PARP11: variants seen among roughly 807,000 people sequenced by gnomAD.
The protein encoded by PARP11 is poly(ADP-ribose) polymerase family member 11.
A neutral mutation model predicts 42.9 loss-of-function variants in PARP11; 31 were observed. That is an observed-to-expected ratio of 0.72 (90% CI 0.54 to 0.98). The LOEUF is 0.98. Among genes scored for constraint, PARP11 ranks in the 50% least tolerant of loss-of-function variants. The probability of loss-of-function intolerance (pLI) is 0.00; values close to 1 mark genes in which losing one functional copy is unlikely to be tolerated. For missense variants in PARP11, 365 were observed against 413.1 expected (o/e 0.88, Z 1.01); for synonymous variants, 137 against 127.3 (o/e 1.08, Z -0.51).
At position 3,812,027 on chromosome 12, in the gene PARP11, T is replaced by A; in HGVS notation, c.*96A>T. 1 of 889,922 alleles carries A rather than the reference T, an allele frequency of 1.1e-6. No homozygotes were observed. The highest frequency in any genetic ancestry group is 1.7e-6 in the Non-Finnish European group (1 of 585,140). 55.1% of individuals were successfully genotyped at this position (889,922 alleles called of 1,614,324 possible). ...TTTTTTCATATCTGTTTCAAAAGTA[T>A]CAGATAATTAACATTTAGTGGCTAG... On this transcript the variant is annotated 3_prime_UTR_variant, in exon 8 of 8. Transcript: ENST00000228820.
intron 1 of PARP11, among the ~76,000 whole-genome samples, chr12:3,863,539 TA>T (rs1180415205): frequency 1.3e-5 from 2 of 152,156 alleles, no homozygotes; most frequent in Non-Finnish European, 2.9e-5. Context: ...GATGATTTCC[TA>T]GGACTCACAA....
chr12:3,828,085 A>G (rs922735458), intron 3 of PARP11, among the ~76,000 whole-genome samples: 4 of 152,216 alleles, frequency 2.6e-5, no homozygotes, highest in Non-Finnish European at 5.9e-5. Context: ...TTATCTGGCT[A>G]ATCTGTGGAA....
At chr12:3,865,725 C>G (rs1280933293) in intron 1 of PARP11, among the ~76,000 whole-genome samples, 1 of 151,958 alleles carries the variant, frequency 6.6e-6, no homozygotes, top group Non-Finnish European at 1.5e-5. Flanking sequence ...TTATTCTATT[C>G]ATGTCTTTAT....
Position 3,828,987 on chromosome 12 carries a change from T to C in PARP11, c.191A>G (p.Glu64Gly). 6.2e-7 allele frequency: 1 copy of C among 1,614,092 alleles called. No individual in the cohort carries two copies. Among genetic ancestry groups the C allele is most frequent in the South Asian group, 1.1e-5 (1 of 91,084 alleles). Reference sequence around the variant, plus strand: ...ACAAGGGTTTGTTTTGAAGCTTTTTTCGATATCTTCACTGCTAACTGAACA... The same window carrying C: ...ACAAGGGTTTGTTTTGAAGCTTTTTCCGATATCTTCACTGCTAACTGAACA... ...SQCSVSSEDI[E>G]KSFKTNPCGS... Residue 64 changes from glutamate to glycine, a missense_variant, in exon 3 of 8, where the codon GAA becomes GGA. Transcript: ENST00000228820.
chr12:3,815,802 C>T (rs1023007909), intron 6 of PARP11, among the ~76,000 whole-genome samples: 1 of 152,156 alleles, frequency 6.6e-6, no homozygotes, highest in Non-Finnish European at 1.5e-5. Context: ...TTCAGTTAAG[C>T]TTTACTTGAT....
chr12:3,835,927 A>C (rs1160920174), intron 1 of PARP11, among the ~76,000 whole-genome samples: 1 of 152,174 alleles, frequency 6.6e-6, no homozygotes, highest in Non-Finnish European at 1.5e-5. Context: ...CCAACATATA[A>C]ATAACTACAG....
rs769023310 is a variant in PARP11 at position 3,830,015 on chromosome 12, T to C, written c.22A>G (p.Met8Val). Residue 8 changes from methionine (M) to valine (V), a missense_variant, in exon 2 of 8, where the codon ATG becomes GTG. Physicochemically the swap from Met to Val is conservative, Grantham distance 21. Coordinates refer to ENST00000228820, the MANE Select transcript of PARP11 (RefSeq NM_020367.6). ...AATAATTCTTCTGCTTTGTGAAACATCTCCTGAAAAGCCAGAAGGAGGTGG... is the reference window on the plus strand; with the variant it reads ...AATAATTCTTCTGCTTTGTGAAACACCTCCTGAAAAGCCAGAAGGAGGTGG... MWEANPE[M>V]FHKAEELFSK... 1 of 1,613,514 alleles carries C rather than the reference T, an allele frequency of 6.2e-7. No homozygotes were observed.
At chr12:3,864,937 C>T (rs1948364147) in intron 1 of PARP11, among the ~76,000 whole-genome samples, 1 of 152,046 alleles carries the variant, frequency 6.6e-6, no homozygotes, top group Admixed American at 6.5e-5. Flanking sequence ...TGTTTAACTT[C>T]TTCTTTTTCC....
At chr12:3,839,045 C>A (rs1348949755) in intron 1 of PARP11, among the ~76,000 whole-genome samples, 2 of 152,098 alleles carry the variant, frequency 1.3e-5, no homozygotes, top group East Asian at 1.9e-4. Flanking sequence ...CCCGCTCCCC[C>A]CGTTTGTCGT....
intron 1 of PARP11, among the ~76,000 whole-genome samples, chr12:3,843,318 T>C (rs533282172): frequency 1.3e-5 from 2 of 152,372 alleles, no homozygotes; most frequent in East Asian, 1.9e-4. Context: ...GCTACGCATT[T>C]TGAAAATAAT....
At chr12:3,867,268 TA>T (rs1200518392) in intron 1 of PARP11, among the ~76,000 whole-genome samples, 7 of 152,294 alleles carry the variant, frequency 4.6e-5, no homozygotes, top group South Asian at 4.2e-4. Context: ...TAATGGAAAT[TA>T]AACATCATCA....
chr12:3,830,594 A>ATG (rs1362306561), intron 1 of PARP11, among the ~76,000 whole-genome samples: 5 of 152,188 alleles, frequency 3.3e-5, no homozygotes, highest in African/African-American at 1.2e-4. Flanking sequence ...AAAAGTCTGG[A>ATG]TGTATATATA....
chr12:3,872,574 G>A (rs1371861890), intron 1 of PARP11: 27 of 985,290 alleles, frequency 2.7e-5, no homozygotes, highest in Non-Finnish European at 3.3e-5. Flanking sequence ...TTTGTCCACC[G>A]AACGAAAACA....
At chr12:3,870,002 C>A (rs1371302569) in intron 1 of PARP11, among the ~76,000 whole-genome samples, 1 of 152,108 alleles carries the variant, frequency 6.6e-6, no homozygotes, top group Non-Finnish European at 1.5e-5. Context: ...TGGCCCCAGG[C>A]AGGATGGAGC....
At position 3,840,061 on chromosome 12, in the gene PARP11, G is replaced by A. The variant is rs1206284742; in HGVS notation, c.19-10043C>T. On this transcript the variant is annotated intron_variant, in intron 1 of 7. Transcript: ENST00000228820. The surrounding 1 kb of genome is among the most constrained non-coding windows in gnomAD (Gnocchi z 4.4). ...AAAGGTTCTTAAGTCACTCAATCCT[G>A]CAGTCTATAGAAATGTGGAATATGA... 6.2e-7 allele frequency: 1 copy of A among 1,609,172 alleles called. No homozygotes were observed. The highest frequency in any genetic ancestry group is 8.5e-7 in the Non-Finnish European group (1 of 1,175,542).
At chr12:3,823,303 T>C (rs1380393804) in intron 4 of PARP11, among the ~76,000 whole-genome samples, 1 of 152,196 alleles carries the variant, frequency 6.6e-6, no homozygotes, top group African/African-American at 2.4e-5. Flanking sequence ...TCCTGGTAAT[T>C]AGTTTCTTGG....
intron 1 of PARP11, chr12:3,841,644 T>G (rs1947890434): frequency 6.2e-7 from 1 of 1,613,680 alleles, no homozygotes; most frequent in Admixed American, 1.7e-5. Context: ...AGCTTCTGCA[T>G]GCTGATTATG....
intron 1 of PARP11, among the ~76,000 whole-genome samples, chr12:3,847,068 T>A (rs904178265): frequency 6.6e-6 from 1 of 150,746 alleles, no homozygotes; most frequent in East Asian, 2.0e-4. Flanking sequence ...CAGAGAGAGA[T>A]CCTGTAGGAA....
intron 1 of PARP11, among the ~76,000 whole-genome samples, chr12:3,856,118 A>T (rs989707881): frequency 6.6e-4 from 100 of 152,346 alleles, no homozygotes; most frequent in African/African-American, 2.2e-3. Context: ...TATAAAAATT[A>T]ATTTTCAAGA....
Sources: allele counts gnomAD v4.1 joint callset (sites outside exome capture counted in the v4.1 genomes callset), GRCh38; gene constraint gnomAD v4.1.1; non-coding constraint Gnocchi (gnomAD v3.1); transcripts MANE v1.5; gene names NCBI Gene and HGNC (gene_info 2026-07-23, HGNC 2026-07-21).